LUM: variants seen among roughly 807,000 people sequenced by gnomAD.
LUM encodes lumican, also known as KSPG lumican.
LUM carries 13 observed loss-of-function variants against 20.5 expected under a neutral mutation model. That is an observed-to-expected ratio of 0.63 (90% CI 0.41 to 1.01). The LOEUF (loss-of-function observed/expected upper bound fraction) is 1.01. Ranked by LOEUF, LUM falls within the 50% of genes least tolerant of loss-of-function variation. The pLI is 0.00. For synonymous variants in LUM, 173 were observed against 151.5 expected (o/e 1.14, Z -1.04); for missense variants, 321 against 391.1 (o/e 0.82, Z 1.51).
At chr12:91,104,432 A>T in intron 2 of LUM, 113 bp from the exon 3 acceptor site, 1 of 722,208 alleles carries the variant, frequency 1.4e-6, no homozygotes, top group Non-Finnish European at 2.2e-6. Flanking sequence ...CATTTAGAAA[A>T]GTCATAATAT....
chr12:91,107,975 A>G (rs543912121), intron 2 of LUM, 143 bp downstream of exon 2: 4 of 963,558 alleles, frequency 4.2e-6, no homozygotes, highest in South Asian at 1.4e-5. Context: ...GGCCTCCCAA[A>G]ATGCTGGATT....
At position 91,108,639 on chromosome 12, in the gene LUM, T is replaced by G; in HGVS notation, c.341A>C (p.Lys114Thr). 6.2e-7 allele frequency: 1 copy of G among 1,613,974 alleles called. No individual in the cohort carries two copies. The change falls in exon 2 of 3, where the codon AAA becomes ACA. Residue 114 changes from lysine (K) to threonine (T), a missense_variant. Lys to Thr is a moderately conservative substitution (Grantham distance 78, BLOSUM62 -1). Transcript: ENST00000266718. This position sits in a 1 kb window ranked among gnomAD's most constrained non-coding sequence, Gnocchi z 4.2. ...NSKIKGRVFS[K>T]LKQLKKLHIN... The stretch of plus-strand genomic sequence containing the variant: ...ATGCAGCTTCTTCAGTTGTTTCAAT[T>G]TAGAGAAAACTCTCCCTTTTATCTT...
intron 2 of LUM, among the ~76,000 whole-genome samples, chr12:91,107,313 GAAA>G (rs1880095619): frequency 8.7e-6 from 1 of 115,380 alleles, no homozygotes; most frequent in African/African-American, 3.4e-5. Context: ...AAGAAAGAAA[GAAA>G]GAAAGAAAGA....
intron 2 of LUM, among the ~76,000 whole-genome samples, chr12:91,105,311 T>C (rs1445927214): frequency 6.6e-6 from 1 of 152,156 alleles, no homozygotes; most frequent in Non-Finnish European, 1.5e-5. Flanking sequence ...ACATCTATCT[T>C]ACCGTGTTGC....
In LUM at chr12:91,104,396, A is replaced by C. The variant is rs1388906173; in HGVS notation, c.863-77T>G. ...AAACAATACAAAAAATTTATGTTTAATATATTATAAAATAGGACCTCTTCC... is the reference window on the plus strand; with the variant it reads ...AAACAATACAAAAAATTTATGTTTACTATATTATAAAATAGGACCTCTTCC... On this transcript the variant is annotated intron_variant, in intron 2 of 2. Coordinates refer to ENST00000266718, the MANE Select transcript of LUM (RefSeq NM_002345.4). 5.0e-6 allele frequency: 5 copies of C among 992,350 alleles called. No individual in the cohort carries two copies. The East Asian group carries it at 1.3e-4, about 26-fold the overall frequency. 61.5% of individuals were successfully genotyped at this position (992,350 alleles called of 1,614,324 possible). A position where few individuals can be genotyped will look rare whatever the true frequency, so the allele number is the denominator to read the frequency against.
In LUM at chr12:91,108,870, C is replaced by A; in HGVS notation, c.110G>T (p.Cys37Phe). ...TTCAGGGCAGTTACATTCTGGTGCA[C>A]AGTTTGGTGATGATTGCCCATAAAT... ...LSIYGQSSPNCAPECNCPESY... is the reference protein window; with the variant it reads ...LSIYGQSSPNFAPECNCPESY... The change falls in exon 2 of 3, where the codon TGT becomes TTT. Residue 37 changes from cysteine (C) to phenylalanine (F), a missense_variant. Physicochemically the swap from Cys to Phe is radical, Grantham distance 205. Transcript: ENST00000266718. This position sits in a 1 kb window ranked among gnomAD's most constrained non-coding sequence, Gnocchi z 4.2. 1 of 1,613,942 alleles carries A rather than the reference C, an allele frequency of 6.2e-7. No individual in the cohort carries two copies. The highest frequency in any genetic ancestry group is 8.5e-7 in the Non-Finnish European group (1 of 1,179,978).
In LUM at chr12:91,103,486, C is replaced by A. The variant is rs1364550331; in HGVS notation, c.*679G>T. The A allele has an allele frequency of 2.6e-5, 4 of 152,000 alleles. No homozygotes were observed. Among genetic ancestry groups the A allele is most frequent in the Non-Finnish European group, 5.9e-5 (4 of 67,944 alleles). 9.4% of individuals were successfully genotyped at this position (152,000 alleles called of 1,614,324 possible). A position where few individuals can be genotyped will look rare whatever the true frequency, so the allele number is the denominator to read the frequency against. ...CCAGAGATATCTTTTGATTTCTAAT[C>A]TATTGTTTTATGTATTTTATATACA... On this transcript the variant is annotated 3_prime_UTR_variant, in exon 3 of 3. Coordinates refer to ENST00000266718, the MANE Select transcript of LUM (RefSeq NM_002345.4).
intron 2 of LUM, among the ~76,000 whole-genome samples, chr12:91,105,792 A>G (rs1405140587): frequency 1.3e-5 from 2 of 152,172 alleles, no homozygotes; most frequent in African/African-American, 4.8e-5. Context: ...TCCATCCTTT[A>G]CTCATGCAAT....
rs1281765660 is a variant in LUM, at chr12:91,103,979, T to C, written c.*186A>G. On this transcript the variant is annotated 3_prime_UTR_variant, in exon 3 of 3. Transcript: ENST00000266718. ...TGAGTTTGATGTCTATTCGTGTATA[T>C]GTGTGTGTTCTTGTGATGAAATAGG... is the stretch of plus-strand genomic sequence containing the variant. The C allele has an allele frequency of 9.4e-6, 5 of 531,288 alleles. No individual in the cohort carries two copies. The highest frequency in any genetic ancestry group is 3.8e-5 in the African/African-American group (2 of 52,366). The allele number at this position is 531,288 out of a possible 1,614,324, so 32.9% of individuals were successfully genotyped here.
At chr12:91,107,333 G>GAA (rs1439253135) in intron 2 of LUM, among the ~76,000 whole-genome samples, 1 of 127,768 alleles carries the variant, frequency 7.8e-6, no homozygotes, top group African/African-American at 2.8e-5. Context: ...AAGAAAGAAA[G>GAA]AAAGAAAGAA....
At chr12:91,109,212 T>A (rs1449662944) in intron 1 of LUM, among the ~76,000 whole-genome samples, 1 of 152,010 alleles carries the variant, frequency 6.6e-6, no homozygotes, top group East Asian at 1.9e-4. Flanking sequence ...TCAGGTTAGA[T>A]TGCGTACACG....
At chr12:91,109,811 T>C (rs1880162568) in intron 1 of LUM, among the ~76,000 whole-genome samples, 1 of 152,188 alleles carries the variant, frequency 6.6e-6, no homozygotes. Flanking sequence ...ATTAGAGTTA[T>C]AGTCTCTCTC....
At position 91,104,157 on chromosome 12, in the gene LUM, T is replaced by C. The variant is rs758412888; in HGVS notation, c.*8A>G. The C allele has an allele frequency of 2.6e-5, 41 of 1,605,918 alleles. No homozygotes were observed. The highest frequency in any genetic ancestry group is 3.3e-5 in the Non-Finnish European group (39 of 1,173,418). On this transcript the variant is annotated 3_prime_UTR_variant, in exon 3 of 3. Coordinates refer to ENST00000266718, the MANE Select transcript of LUM (RefSeq NM_002345.4). The stretch of plus-strand genomic sequence containing the variant: ...ATAACCATAAAATATTGTTCCAGGA[T>C]ACAGATATTAATTAAGAGTGACTTC...
At chr12:91,105,872 G>A (rs760024268) in intron 2 of LUM, among the ~76,000 whole-genome samples, 2 of 152,102 alleles carry the variant, frequency 1.3e-5, no homozygotes, top group African/African-American at 2.4e-5. Context: ...CTGCTCTTAC[G>A]AATAATCTCT....
At position 91,107,283 on chromosome 12, in the gene LUM, GAAAGAGAAAGAAAGAAAGAA is replaced by G. The variant is rs1565758417; in HGVS notation, c.862+815_862+834del. ...AGAAAGAAAGAAAGAAAGAAAGAAA[GAAAGAGAAAGAAAGAAAGAA>G]AGAAAGAAAGAAAGAAAGAAAGAAA... On this transcript the variant is annotated intron_variant, in intron 2 of 2. Transcript: ENST00000266718. Among the ~76,000 whole-genome samples the G allele has an allele frequency of 4.6e-3, 393 of 86,130 alleles. 1 individual carries two copies. Among genetic ancestry groups the G allele is most frequent in the East Asian group, 0.013 (34 of 2,534 alleles). The allele number at this position is 86,130 out of a possible 152,430, so 56.5% of individuals were successfully genotyped here. A position where few individuals can be genotyped will look rare whatever the true frequency, so the allele number is the denominator to read the frequency against.
Position 91,108,411 on chromosome 12 carries a change from T to A in LUM, c.569A>T (p.Asp190Val), listed in dbSNP as rs1465394022. ...FKGLKSLEYLDLSFNQIARLP... is the reference protein window; with the variant it reads ...FKGLKSLEYLVLSFNQIARLP... Reference sequence around the variant, plus strand: ...TCTGGCTATCTGATTGAAGCTCAAGTCAAGGTATTCGAGTGATTTAAGACC... The same window carrying A: ...TCTGGCTATCTGATTGAAGCTCAAGACAAGGTATTCGAGTGATTTAAGACC... Residue 190 changes from aspartate (D) to valine (V), a missense_variant, in exon 2 of 3, where the codon GAC becomes GTC. Transcript: ENST00000266718. The surrounding 1 kb of genome is among the most constrained non-coding windows in gnomAD (Gnocchi z 4.2). The A allele has an allele frequency of 6.2e-7, 1 of 1,614,046 alleles. No homozygotes were observed.
chr12:91,108,970 T>C lies in LUM; in HGVS notation c.10A>G (p.Ser4Gly). MSLSAFTLFLALIG... is the reference protein window; with the variant it reads MSLGAFTLFLALIG... ...AATGCCAGGAAGAGAGTAAATGCAC[T>C]TAGACTCATTTTTGGCAAATGGTTT... Residue 4 changes from serine to glycine, a missense_variant, in exon 2 of 3, where the codon AGT (serine) becomes GGT (glycine). Physicochemically the swap from Ser to Gly is moderately conservative, Grantham distance 56. Coordinates refer to ENST00000266718, the MANE Select transcript of LUM (RefSeq NM_002345.4). This position sits in a 1 kb window ranked among gnomAD's most constrained non-coding sequence, Gnocchi z 4.2. The C allele has an allele frequency of 6.2e-7, 1 of 1,612,270 alleles. No individual in the cohort carries two copies. The highest frequency in any genetic ancestry group is 8.5e-7 in the Non-Finnish European group (1 of 1,178,996).
chr12:91,108,454 C>T lies in LUM; in HGVS notation c.526G>A (p.Val176Ile), dbSNP rs1238200161. Residue 176 changes from valine to isoleucine, a missense_variant, in exon 2 of 3, where the codon GTT becomes ATT. Coordinates refer to ENST00000266718, the MANE Select transcript of LUM (RefSeq NM_002345.4). The surrounding 1 kb of genome is among the most constrained non-coding windows in gnomAD (Gnocchi z 4.2). ...TTAAGACCTTTAAAAGCAGCTGAAA[C>T]AGCATCCTCTTTCAGCCGATTGTGC... ...LQHNRLKEDA[V>I]SAAFKGLKSL... The T allele has an allele frequency of 1.9e-6, 3 of 1,613,976 alleles. No individual in the cohort carries two copies. The highest frequency in any genetic ancestry group is 1.3e-5 in the African/African-American group (1 of 74,914).
Position 91,103,639 on chromosome 12 carries a change from A to G in LUM, c.*526T>C, listed in dbSNP as rs1229307112. 1 of 152,288 alleles carries G rather than the reference A, an allele frequency of 6.6e-6. No homozygotes were observed. The highest frequency in any genetic ancestry group is 1.5e-5 in the Non-Finnish European group (1 of 68,098). The allele number at this position is 152,288 out of a possible 1,614,324, so 9.4% of individuals were successfully genotyped here. ...ACATACATGACTTAGAGTGAAAAAT[A>G]ATTCTAGAAAAGTTTCACTAGGTAA... On this transcript the variant is annotated 3_prime_UTR_variant, in exon 3 of 3. Transcript: ENST00000266718.
Sources: allele counts gnomAD v4.1 joint callset (sites outside exome capture counted in the v4.1 genomes callset), GRCh38; gene constraint gnomAD v4.1.1; non-coding constraint Gnocchi (gnomAD v3.1); transcripts MANE v1.5; gene names NCBI Gene and HGNC (gene_info 2026-07-23, HGNC 2026-07-21).